KIF7: variants seen among roughly 807,000 people sequenced by gnomAD.
KIF7 encodes kinesin family member 7.
KIF7 carries 104 observed loss-of-function variants against 135.7 expected under a neutral mutation model. That is an observed-to-expected ratio of 0.77 (90% CI 0.65 to 0.90). KIF7 has a LOEUF of 0.90. Ranked by LOEUF, KIF7 falls within the 40% of genes least tolerant of loss-of-function variation. The pLI, the probability that KIF7 is intolerant of heterozygous loss-of-function variation, is 0.00. For missense variants in KIF7, 2,005 were observed against 1,839.1 expected (o/e 1.09, Z -1.65); for synonymous variants, 883 against 809.4 (o/e 1.09, Z -1.54).
chr15:89,655,715 C>A (rs1037212267), upstream of KIF7, among the ~76,000 whole-genome samples: 1 of 152,208 alleles, frequency 6.6e-6, no homozygotes, highest in African/African-American at 2.4e-5. Flanking sequence ...AGCCCCGAGT[C>A]ACCTTCATCC....
intron 12 of KIF7, 134 bp from the exon 13 acceptor site, chr15:89,633,400 C>G (rs1596068437): frequency 1.7e-6 from 2 of 1,193,412 alleles, no homozygotes; most frequent in East Asian, 5.1e-5. Context: ...CAGACCCATC[C>G]CACACAAATC....
chr15:89,639,755 C>G (rs1387858083), intron 11 of KIF7, among the ~76,000 whole-genome samples: 1 of 144,504 alleles, frequency 6.9e-6, no homozygotes, highest in Non-Finnish European at 1.5e-5. Context: ...GGATCTAGAA[C>G]TAGAAATACC....
intron 3 of KIF7, 67 bp downstream of exon 3, chr15:89,649,674 T>A (rs4932240): frequency 6.7e-7 from 1 of 1,494,696 alleles, no homozygotes; most frequent in Non-Finnish European, 9.0e-7. Context: ...AGGTAAGCAC[T>A]CCACTCCAAA....
At chr15:89,646,537 G>A (rs1490531160) in intron 7 of KIF7, among the ~76,000 whole-genome samples, 1 of 152,164 alleles carries the variant, frequency 6.6e-6, no homozygotes, top group African/African-American at 2.4e-5. Context: ...ATGCAGAAGT[G>A]TGCAAGGTTT....
At chr15:89,619,818 C>T in intron 1 of KIF7, 2 of 1,612,658 alleles carry the variant, frequency 1.2e-6, no homozygotes, top group Non-Finnish European at 1.7e-6. Context: ...GCAAAGAGTC[C>T]ACTCTTTCCA....
chr15:89,658,789 G>A (rs910112511), upstream of KIF7, among the ~76,000 whole-genome samples: 6 of 151,980 alleles, frequency 3.9e-5, no homozygotes, highest in African/African-American at 9.7e-5. Flanking sequence ...GCTCGAGCCC[G>A]AGAGGTCAAG....
chr15:89,647,671 C>A lies in KIF7; in HGVS notation c.1485G>T (p.Gln495His), dbSNP rs1362468897. The part of the protein sequence containing the change: ...GAQQLLTLQN[Q>H]VARLEEENRD... ...GGTTCTCCTCCTCCAGCCGCGCCAC[C>A]TGGTTCTGCAGGGTCAGCAGCTGCT... is the stretch of plus-strand genomic sequence containing the variant. The change falls in exon 6 of 19, where the codon CAG becomes CAT. Residue 495 changes from glutamine to histidine, a missense_variant. Transcript: ENST00000394412. The A allele has an allele frequency of 6.2e-7, 1 of 1,608,134 alleles. No individual in the cohort carries two copies. Among genetic ancestry groups the A allele is most frequent in the Non-Finnish European group, 8.5e-7 (1 of 1,178,706 alleles).
chr15:89,642,645 G>A (rs543022964), intron 10 of KIF7, among the ~76,000 whole-genome samples: 2 of 152,196 alleles, frequency 1.3e-5, no homozygotes, highest in African/African-American at 2.4e-5. Flanking sequence ...TCTTGGCTCA[G>A]TGCAACCTCC....
At chr15:89,650,689 A>G (rs1964110154) in intron 2 of KIF7, among the ~76,000 whole-genome samples, 1 of 151,576 alleles carries the variant, frequency 6.6e-6, no homozygotes, top group Non-Finnish European at 1.5e-5. Context: ...ACCGCACCTA[A>G]CCAACTATTT....
At chr15:89,638,517 C>T (rs866627591) in intron 11 of KIF7, among the ~76,000 whole-genome samples, 2 of 151,902 alleles carry the variant, frequency 1.3e-5, no homozygotes, top group East Asian at 3.9e-4. Flanking sequence ...AACAGAGAGC[C>T]AAATCATGAG....
chr15:89,629,021 G>T lies in KIF7; in HGVS notation c.3619C>A (p.Leu1207Met). The change falls in exon 18 of 19, where the codon CTG (leucine) becomes ATG (methionine). Residue 1207 changes from leucine to methionine, a missense_variant. By Grantham distance (15) the Leu-to-Met change is conservative. Transcript: ENST00000394412. ...TTCACACCGCCGAGCTTCTGTTTCA[G>T]TTCCTGGTTTATCCACATGTAACGG... ...LGRYMWINQE[L>M]KQKLGGVNAV... 1 of 1,613,714 alleles carries T rather than the reference G, an allele frequency of 6.2e-7. No individual in the cohort carries two copies. The highest frequency in any genetic ancestry group is 8.5e-7 in the Non-Finnish European group (1 of 1,179,958).
At chr15:89,634,986 A>C (rs192706484) in intron 11 of KIF7, among the ~76,000 whole-genome samples, 5 of 152,244 alleles carry the variant, frequency 3.3e-5, no homozygotes, top group African/African-American at 4.8e-5. Context: ...ACCTGAGAAC[A>C]GGCAGACTGC....
At chr15:89,629,151 G>A (rs1461212246) in intron 17 of KIF7, 29 bp from the exon 18 acceptor site, 3 of 1,607,496 alleles carry the variant, frequency 1.9e-6, no homozygotes, top group Non-Finnish European at 2.5e-6. Flanking sequence ...GGAGAGGGTG[G>A]TGAGGGCTGC....
downstream of KIF7, chr15:89,624,314 CAGG>C (rs1963474733): frequency 6.2e-7 from 1 of 1,614,182 alleles, no homozygotes; most frequent in Non-Finnish European, 8.5e-7. Context: ...TGTCCTTCCC[CAGG>C]AGAACTGGAT....
At chr15:89,625,977 T>A, downstream of KIF7, 2 of 1,604,680 alleles carry the variant, frequency 1.2e-6, no homozygotes, top group Non-Finnish European at 1.7e-6. Flanking sequence ...GAGCTGCCTC[T>A]CTGCCAGTGC....
intron 2 of KIF7, among the ~76,000 whole-genome samples, chr15:89,651,033 G>C (rs1445208589): frequency 6.6e-6 from 1 of 152,132 alleles, no homozygotes; most frequent in Non-Finnish European, 1.5e-5. Context: ...CTGGGTTCAA[G>C]CAATCCTCCT....
chr15:89,624,556 G>C, downstream of KIF7: 1 of 1,613,728 alleles, frequency 6.2e-7, no homozygotes, highest in East Asian at 2.2e-5. Context: ...CAGCCCAGCT[G>C]CCCCCACAGA....
chr15:89,639,530 C>T (rs2142012419), intron 11 of KIF7, among the ~76,000 whole-genome samples: 1 of 130,418 alleles, frequency 7.7e-6, no homozygotes, highest in South Asian at 2.8e-4. Context: ...AGCCAAAAAA[C>T]ACATGAAAAA....
chr15:89,644,330 T>C (rs116622307), intron 10 of KIF7, among the ~76,000 whole-genome samples: 1,602 of 152,236 alleles, frequency 0.011, 38 homozygotes, highest in African/African-American at 0.037. Flanking sequence ...TCCCCAGGAC[T>C]GAGAGATACT....
Sources: gnomAD v4.1 joint callset for allele counts (sites outside exome capture counted in the v4.1 genomes callset) on GRCh38, gnomAD v4.1.1 for gene constraint, MANE v1.5 for transcripts, NCBI Gene and HGNC (gene_info 2026-07-23, HGNC 2026-07-21) for gene names.